The following ADGRL3 variants were observed in gnomAD, a reference collection of about 807,000 sequenced individuals.
ADGRL3 encodes calcium-independent alpha-latrotoxin receptor 3.
ADGRL3 carries 62 observed loss-of-function variants against 153.5 expected under a neutral mutation model. The observed-to-expected ratio is 0.40, with a 90% CI of 0.33 to 0.50. ADGRL3 has a LOEUF of 0.50. ADGRL3 is among the 20% of genes least tolerant of loss of function. The probability of loss-of-function intolerance (pLI) is 0.47; values close to 1 mark genes in which losing one functional copy is unlikely to be tolerated. For missense variants in ADGRL3, 1,641 were observed against 1,859.4 expected (o/e 0.88, Z 2.16); for synonymous variants, 710 against 672.5 (o/e 1.06, Z -0.86).
At chr4:61,535,023 G>A (rs2152971065) in intron 4 of ADGRL3, among the ~76,000 whole-genome samples, 1 of 152,046 alleles carries the variant, frequency 6.6e-6, no homozygotes, top group Non-Finnish European at 1.5e-5. Context: ...TGAGTTTTTA[G>A]GGGGAATACT....
intron 8 of ADGRL3, among the ~76,000 whole-genome samples, chr4:61,759,166 C>G (rs187260213): frequency 1.3e-5 from 2 of 151,996 alleles, no homozygotes; most frequent in African/African-American, 4.8e-5. Context: ...TTGCTCTTCT[C>G]GAGGAGTATC....
intron 1 of ADGRL3, among the ~76,000 whole-genome samples, chr4:61,326,599 ATGTGTGTGTGTG>A (rs34387631): frequency 3.6e-5 from 5 of 140,646 alleles, no homozygotes; most frequent in South Asian, 2.3e-4. Context: ...ATGCCAGATA[ATGTGTGTGTGTG>A]TGTGTGTGTG....
At chr4:61,549,872 T>C (rs1043302495) in intron 4 of ADGRL3, among the ~76,000 whole-genome samples, 1 of 152,020 alleles carries the variant, frequency 6.6e-6, no homozygotes, top group African/African-American at 2.4e-5. Context: ...AGATTTTTCT[T>C]TCAGCAACAT....
intron 17 of ADGRL3, among the ~76,000 whole-genome samples, chr4:61,958,695 C>T (rs2098976978): frequency 6.6e-6 from 1 of 152,038 alleles, no homozygotes; most frequent in African/African-American, 2.4e-5. Flanking sequence ...CTCACTATCA[C>T]AAGAACAGCA....
intron 1 of ADGRL3, among the ~76,000 whole-genome samples, chr4:61,287,825 G>T (rs1432931967): frequency 3.3e-5 from 5 of 151,840 alleles, no homozygotes; most frequent in African/African-American, 1.2e-4. Context: ...ATTTCCCATG[G>T]CTAGGAAATT....
At chr4:61,979,912 A>T in intron 18 of ADGRL3, 140 bp downstream of exon 18, 1 of 720,588 alleles carries the variant, frequency 1.4e-6, no homozygotes, top group Non-Finnish European at 2.3e-6. Context: ...GGCCTTACTC[A>T]GTTTTCCATT....
At chr4:61,589,177 T>C (rs1035065512) in intron 5 of ADGRL3, among the ~76,000 whole-genome samples, 8 of 152,072 alleles carry the variant, frequency 5.3e-5, no homozygotes, top group Non-Finnish European at 8.8e-5. Flanking sequence ...AGTAAATCAC[T>C]TGTGTAAACC....
chr4:61,664,756 G>C (rs903784066), intron 5 of ADGRL3, among the ~76,000 whole-genome samples: 30 of 152,068 alleles, frequency 2.0e-4, no homozygotes, highest in African/African-American at 7.2e-4. Flanking sequence ...TTTGTTCTTA[G>C]TTATTGTGGT....
At chr4:61,707,714 A>T (rs1186924238) in intron 6 of ADGRL3, among the ~76,000 whole-genome samples, 5 of 152,176 alleles carry the variant, frequency 3.3e-5, no homozygotes, top group Admixed American at 2.0e-4. Flanking sequence ...AATGAAGAAG[A>T]AGTAAAAGAA....
intron 8 of ADGRL3, among the ~76,000 whole-genome samples, chr4:61,810,080 T>C (rs2097593633): frequency 6.6e-6 from 1 of 152,164 alleles, no homozygotes; most frequent in Admixed American, 6.6e-5. Context: ...TCTTACCCAT[T>C]AAACTAAACT....
chr4:61,852,624 A>G (rs2098219554), intron 9 of ADGRL3, among the ~76,000 whole-genome samples: 1 of 152,098 alleles, frequency 6.6e-6, no homozygotes, highest in South Asian at 2.1e-4. Flanking sequence ...CTATTTAATT[A>G]TTTAGTACAA....
intron 8 of ADGRL3, among the ~76,000 whole-genome samples, chr4:61,737,710 C>T (rs1444109931): frequency 1.3e-5 from 2 of 152,114 alleles, no homozygotes; most frequent in Non-Finnish European, 2.9e-5. Flanking sequence ...AATGAAGGCC[C>T]TTTTAAAGCA....
chr4:61,974,740 C>T (rs568132444), intron 17 of ADGRL3, among the ~76,000 whole-genome samples: 1 of 152,304 alleles, frequency 6.6e-6, no homozygotes, highest in South Asian at 2.1e-4. Flanking sequence ...CAAGATTCCT[C>T]TTATTTACAT....
chr4:61,946,742 G>C (rs961335307), intron 15 of ADGRL3, among the ~76,000 whole-genome samples, 172 bp from the exon 16 acceptor site: 44 of 152,132 alleles, frequency 2.9e-4, no homozygotes, highest in African/African-American at 1.0e-3. Flanking sequence ...GTATGTAGTT[G>C]TTTTAGCATA....
At position 61,486,074 on chromosome 4, in the gene ADGRL3, G is replaced by A. The variant is rs533026116; in HGVS notation, c.-173-11047G>A. ...TTCTCCTGCCTCAGCCTCCCGAGTA[G>A]CTGGGACTACAGGCACCCGCCACCA... is the stretch of plus-strand genomic sequence containing the variant. On this transcript the variant is annotated intron_variant, in intron 2 of 26. Transcript: ENST00000683033. Among the ~76,000 whole-genome samples, 40 of 152,166 alleles carry A rather than the reference G, an allele frequency of 2.6e-4. No individual in the cohort carries two copies. In the East Asian group the frequency reaches 7.4e-3, roughly 28 times the overall value.
At chr4:61,448,735 G>A (rs1442389027) in intron 2 of ADGRL3, among the ~76,000 whole-genome samples, 2 of 147,598 alleles carry the variant, frequency 1.4e-5, no homozygotes, top group African/African-American at 5.0e-5. Flanking sequence ...AGAGAGGGAA[G>A]GAAGGAAGGG....
chr4:61,397,719 A>T (rs987289389), intron 2 of ADGRL3, among the ~76,000 whole-genome samples: 8 of 151,778 alleles, frequency 5.3e-5, no homozygotes, highest in Non-Finnish European at 1.0e-4. Context: ...CTAATTTCCT[A>T]TAAAAAAAAT....
intron 17 of ADGRL3, among the ~76,000 whole-genome samples, chr4:61,971,232 G>A (rs2099026265): frequency 6.6e-6 from 1 of 151,654 alleles, no homozygotes; most frequent in Admixed American, 6.6e-5. Flanking sequence ...ATGTATACAT[G>A]TGCCATGCTG....
At chr4:61,345,310 C>T (rs1160524636) in intron 1 of ADGRL3, among the ~76,000 whole-genome samples, 2 of 151,892 alleles carry the variant, frequency 1.3e-5, no homozygotes, top group African/African-American at 4.8e-5. Flanking sequence ...TAAATGATTG[C>T]TTCAGTAGTG....
Sources: allele counts gnomAD v4.1 joint callset (sites outside exome capture counted in the v4.1 genomes callset), GRCh38; gene constraint gnomAD v4.1.1; transcripts MANE v1.5; gene names NCBI Gene and HGNC (gene_info 2026-07-23, HGNC 2026-07-21).